NTNG1: variants seen among roughly 807,000 people sequenced by gnomAD.
NTNG1 encodes the protein netrin G1.
NTNG1 carries 16 observed loss-of-function variants against 54.0 expected under a neutral mutation model. That is an observed-to-expected ratio of 0.30 (90% CI 0.20 to 0.45). NTNG1 has a LOEUF of 0.45. NTNG1 is among the 20% of genes least tolerant of loss of function. NTNG1 has a pLI of 1.00. For missense variants in NTNG1, 530 were observed against 678.7 expected (o/e 0.78, Z 2.43); for synonymous variants, 255 against 263.1 (o/e 0.97, Z 0.30).
upstream of NTNG1, among the ~76,000 whole-genome samples, chr1:107,140,488 A>G (rs1304746205): frequency 6.6e-6 from 1 of 152,006 alleles, no homozygotes; most frequent in Non-Finnish European, 1.5e-5. Context: ...TATTTCATCA[A>G]ACGGACTTTG....
intron 3 of NTNG1, among the ~76,000 whole-genome samples, chr1:107,388,580 A>G (rs1672166225): frequency 6.6e-6 from 1 of 152,232 alleles, no homozygotes; most frequent in Non-Finnish European, 1.5e-5. Context: ...AAAATGCAAA[A>G]AGCAATGAGC....
At chr1:107,234,408 C>A (rs181656412) in intron 2 of NTNG1, among the ~76,000 whole-genome samples, 38 of 152,280 alleles carry the variant, frequency 2.5e-4, no homozygotes, top group African/African-American at 8.9e-4. Flanking sequence ...CAGGCATGAG[C>A]CACCAAACCC....
At chr1:107,190,533 C>T (rs1242876476) in intron 2 of NTNG1, among the ~76,000 whole-genome samples, 2 of 152,042 alleles carry the variant, frequency 1.3e-5, no homozygotes, top group South Asian at 2.1e-4. Flanking sequence ...CCCATTAACT[C>T]GTCATTTACA....
intron 2 of NTNG1, among the ~76,000 whole-genome samples, chr1:107,236,886 T>G (rs2101559697): frequency 6.6e-6 from 1 of 152,310 alleles, no homozygotes; most frequent in East Asian, 1.9e-4. Flanking sequence ...TTTTGTAAAT[T>G]GCCCAGTCTC....
At position 107,482,190 on chromosome 1, in the gene NTNG1, G is replaced by A. The variant is rs1275662137; in HGVS notation, c.*1350G>A. 6.6e-6 allele frequency: 1 copy of A among 152,002 alleles called. No homozygotes were observed. Among genetic ancestry groups the A allele is most frequent in the Non-Finnish European group, 1.5e-5 (1 of 68,006 alleles). The allele number at this position is 152,002 out of a possible 1,614,324, so 9.4% of individuals were successfully genotyped here. Reference sequence around the variant, plus strand: ...GATTGATGGTGATCATGTGACTCTAGGGATGCTGATCTATGTATCTTTCCA... The same window carrying A: ...GATTGATGGTGATCATGTGACTCTAAGGATGCTGATCTATGTATCTTTCCA... On this transcript the variant is annotated 3_prime_UTR_variant, in exon 8 of 8. Transcript: ENST00000370068.
intron 2 of NTNG1, among the ~76,000 whole-genome samples, chr1:107,189,600 T>C (rs2101183071): frequency 6.6e-6 from 1 of 152,182 alleles, no homozygotes; most frequent in African/African-American, 2.4e-5. Flanking sequence ...ACTAGGTTCA[T>C]ATAGGTAGGT....
At chr1:107,276,459 C>T (rs114240822) in intron 2 of NTNG1, among the ~76,000 whole-genome samples, 1,769 of 152,096 alleles carry the variant, frequency 0.012, 17 homozygotes, top group South Asian at 0.039. Context: ...AGCTTTTCTT[C>T]CTGCATTCTT....
At chr1:107,216,993 A>G (rs1197563129) in intron 2 of NTNG1, among the ~76,000 whole-genome samples, 1 of 152,132 alleles carries the variant, frequency 6.6e-6, no homozygotes, top group Non-Finnish European at 1.5e-5. Flanking sequence ...CTCTTTCTCT[A>G]TCTTTTGGAA....
In NTNG1 at chr1:107,180,386, G is replaced by T. The variant is rs147664666; in HGVS notation, c.246+31547G>T. Among the ~76,000 whole-genome samples the T allele has an allele frequency of 1.1e-3, 160 of 152,032 alleles. 1 individual carries two copies. Among genetic ancestry groups the T allele is most frequent in the African/African-American group, 3.6e-3 (149 of 41,480 alleles). On this transcript the variant is annotated intron_variant, in intron 2 of 7. Coordinates refer to ENST00000370068, the MANE Select transcript of NTNG1 (RefSeq NM_001113226.3). ...AAACTTTTTAAATCTAAAATTAATG[G>T]TAATGCATTTTACATCAAGACTCAG... is the stretch of plus-strand genomic sequence containing the variant.
At chr1:107,195,267 T>C (rs1658239263) in intron 2 of NTNG1, among the ~76,000 whole-genome samples, 1 of 151,974 alleles carries the variant, frequency 6.6e-6, no homozygotes. Context: ...ATAAATCATG[T>C]CCACTTTATT....
intron 6 of NTNG1, among the ~76,000 whole-genome samples, chr1:107,434,576 A>T (rs1675485652): frequency 6.6e-6 from 1 of 152,194 alleles, no homozygotes; most frequent in South Asian, 2.1e-4. Flanking sequence ...GCTGCTAAGC[A>T]TTTCTTAAAA....
chr1:107,277,368 G>A (rs1664548160), intron 2 of NTNG1, among the ~76,000 whole-genome samples: 1 of 152,088 alleles, frequency 6.6e-6, no homozygotes, highest in African/African-American at 2.4e-5. Flanking sequence ...AACCCTTGAG[G>A]CAGTAGGGAA....
intron 3 of NTNG1, among the ~76,000 whole-genome samples, chr1:107,358,389 G>C (rs899512800): frequency 1.3e-5 from 2 of 150,762 alleles, no homozygotes; most frequent in Non-Finnish European, 2.9e-5. Context: ...TCTATGACTA[G>C]AATTAATCAA....
intron 2 of NTNG1, among the ~76,000 whole-genome samples, chr1:107,265,908 T>C (rs1465361486): frequency 6.6e-6 from 1 of 152,124 alleles, no homozygotes; most frequent in Non-Finnish European, 1.5e-5. Flanking sequence ...TAATAATCAA[T>C]GTATTTGAAA....
intron 2 of NTNG1, among the ~76,000 whole-genome samples, chr1:107,297,104 C>CAT (rs1223570980): frequency 1.4e-5 from 2 of 146,514 alleles, no homozygotes; most frequent in African/African-American, 5.0e-5. Context: ...CACACACACA[C>CAT]ACACACACAC....
chr1:107,278,766 G>A (rs562546933), intron 2 of NTNG1, among the ~76,000 whole-genome samples: 22 of 152,030 alleles, frequency 1.4e-4, no homozygotes, highest in Admixed American at 1.4e-3. Flanking sequence ...GTATTAATTT[G>A]TCTTCTGTTG....
chr1:107,477,376 CAG>C (rs1448692933), intron 7 of NTNG1, among the ~76,000 whole-genome samples: 1 of 152,228 alleles, frequency 6.6e-6, no homozygotes, highest in Non-Finnish European at 1.5e-5. Flanking sequence ...CACCATCAAA[CAG>C]AGTCAAGGAA....
intron 7 of NTNG1, among the ~76,000 whole-genome samples, chr1:107,462,545 T>C (rs1474025087): frequency 6.6e-6 from 1 of 152,250 alleles, no homozygotes. Context: ...ATTATTATCC[T>C]GTTTTAATTT....
At chr1:107,185,529 C>G (rs1657389620) in intron 2 of NTNG1, among the ~76,000 whole-genome samples, 1 of 152,158 alleles carries the variant, frequency 6.6e-6, no homozygotes. Context: ...TCCAATATGT[C>G]CTCATCTTAC....
Sources: gnomAD v4.1 joint callset for allele counts (sites outside exome capture counted in the v4.1 genomes callset) on GRCh38, gnomAD v4.1.1 for gene constraint, MANE v1.5 for transcripts, NCBI Gene and HGNC (gene_info 2026-07-23, HGNC 2026-07-21) for gene names.